The following GFRA2 variants were observed in gnomAD, a reference collection of about 807,000 sequenced individuals.
GFRA2 encodes the protein GDNF family receptor alpha-2.
Under a neutral mutation model 48.3 loss-of-function variants are expected in GFRA2, and 17 were observed. The observed-to-expected ratio is 0.35, with a 90% CI of 0.24 to 0.53. The LOEUF is 0.53. Among genes scored for constraint, GFRA2 ranks in the 20% least tolerant of loss-of-function variants. The pLI is 0.93. For missense variants in GFRA2, 660 were observed against 637.3 expected, an observed-to-expected ratio of 1.04 and a Z score of -0.38; for synonymous variants, 305 against 257.2, an observed-to-expected ratio of 1.19 and a Z score of -1.78.
chr8:21,760,336 A>G (rs956334711), intron 3 of GFRA2, among the ~76,000 whole-genome samples: 3 of 152,248 alleles, frequency 2.0e-5, no homozygotes, highest in African/African-American at 7.2e-5. Context: ...CTGCTGAAGC[A>G]GCAGAAAGCT....
chr8:21,714,182 G>A (rs564990468), intron 4 of GFRA2, among the ~76,000 whole-genome samples: 304 of 139,524 alleles, frequency 2.2e-3, no homozygotes, highest in Non-Finnish European at 3.8e-3. Context: ...TTTGTCTGAT[G>A]TAGAATAATA....
rs1585345773 is a variant in GFRA2 at position 21,788,361 on chromosome 8, T to C, written c.-202A>G. ...AGGGGGTGGGGTGAGAGGCGGGCGATGGGCTGCTGCCTCTCGACGCCCCCC... is the reference window on the plus strand; with the variant it reads ...AGGGGGTGGGGTGAGAGGCGGGCGACGGGCTGCTGCCTCTCGACGCCCCCC... On this transcript the variant is annotated 5_prime_UTR_variant, in exon 1 of 9. Transcript: ENST00000524240. The C allele has an allele frequency of 7.4e-6, 10 of 1,348,850 alleles. No homozygotes were observed. The East Asian group carries it at 2.4e-4, about 33-fold the overall frequency. 83.6% of individuals were successfully genotyped at this position (1,348,850 alleles called of 1,614,324 possible).
chr8:21,703,198 A>T (rs887690480), intron 6 of GFRA2, among the ~76,000 whole-genome samples: 9 of 152,186 alleles, frequency 5.9e-5, no homozygotes, highest in Non-Finnish European at 1.2e-4. Context: ...GTTAAAAAAC[A>T]CAGAAGCCAG....
intron 2 of GFRA2, among the ~76,000 whole-genome samples, chr8:21,795,272 T>C (rs1181995407): frequency 3.3e-5 from 5 of 152,232 alleles, no homozygotes; most frequent in East Asian, 1.9e-4. Flanking sequence ...ATCCATGATC[T>C]TGAAGTCCTT....
At chr8:21,740,707 A>G (rs1217779118) in intron 4 of GFRA2, among the ~76,000 whole-genome samples, 2 of 152,286 alleles carry the variant, frequency 1.3e-5, no homozygotes, top group African/African-American at 4.8e-5. Context: ...TGCCCCCAGA[A>G]TTTACAACCT....
intron 4 of GFRA2, among the ~76,000 whole-genome samples, chr8:21,727,076 C>T (rs1803906906): frequency 6.6e-6 from 1 of 152,154 alleles, no homozygotes; most frequent in Non-Finnish European, 1.5e-5. Context: ...CAAACAAAGG[C>T]CACATTCTGA....
intron 3 of GFRA2, among the ~76,000 whole-genome samples, chr8:21,772,382 C>A (rs1459505163): frequency 1.3e-5 from 2 of 152,182 alleles, no homozygotes; most frequent in African/African-American, 2.4e-5. Flanking sequence ...TGGCTCACTG[C>A]AGCTTCGAAC....
At position 21,721,021 on chromosome 8, in the gene GFRA2, G is replaced by GGGGAA. The variant is rs561538024; in HGVS notation, c.795-14985_795-14981dup. Among the ~76,000 whole-genome samples, 643 of 151,314 alleles carry GGGGAA rather than the reference G, an allele frequency of 4.2e-3. 6 individuals carry two copies. Among genetic ancestry groups the GGGGAA allele is most frequent in the African/African-American group, 0.014 (590 of 41,180 alleles). ...AAAAAAAAAAATGGAGGGGAGGGGAGGGGAAGGGAAGGGAGGGGAGGGAAG... is the reference window on the plus strand; with the variant it reads ...AAAAAAAAAAATGGAGGGGAGGGGAGGGGAAGGGAAGGGAAGGGAGGGGAGGGAAG... On this transcript the variant is annotated intron_variant, in intron 4 of 8. Transcript: ENST00000524240.
At chr8:21,712,690 A>G (rs1316167615) in intron 4 of GFRA2, among the ~76,000 whole-genome samples, 5 of 151,764 alleles carry the variant, frequency 3.3e-5, no homozygotes, top group African/African-American at 1.2e-4. Context: ...AGCCGAGATC[A>G]CGCCACTGCA....
chr8:21,727,330 G>C (rs112888348), intron 4 of GFRA2, among the ~76,000 whole-genome samples: 1 of 152,128 alleles, frequency 6.6e-6, no homozygotes, highest in African/African-American at 2.4e-5. Context: ...GCCAGGGACA[G>C]GGCCTCCCTT....
rs146261361 is a variant in GFRA2 at position 21,764,543 on chromosome 8, C to A, written c.439+10429G>T. On this transcript the variant is annotated intron_variant, in intron 3 of 8. Transcript: ENST00000524240. Reference sequence around the variant, plus strand: ...AGAAATGCCCTCGCCTTGTCACCCACCAGTGACCAGTCTGTCTCACCTGGA... The same window carrying A: ...AGAAATGCCCTCGCCTTGTCACCCAACAGTGACCAGTCTGTCTCACCTGGA... Among the ~76,000 whole-genome samples, 30 of 152,382 alleles carry A rather than the reference C, an allele frequency of 2.0e-4. No individual in the cohort carries two copies. In the East Asian group the frequency reaches 5.2e-3, roughly 26 times the overall value.
rs987470738 is a variant in GFRA2, at chr8:21,692,168, C to T, written c.*1110G>A. On this transcript the variant is annotated 3_prime_UTR_variant, in exon 9 of 9. Transcript: ENST00000524240. ...AGACAACAGTATTAAAAAAAATAAA[C>T]TTTACAATAATACATTTTCGCTCAT... The T allele has an allele frequency of 2.0e-5, 3 of 152,508 alleles. No individual in the cohort carries two copies. Among genetic ancestry groups the T allele is most frequent in the African/African-American group, 7.2e-5 (3 of 41,428 alleles). The allele number at this position is 152,508 out of a possible 1,614,324, so 9.4% of individuals were successfully genotyped here.
chr8:21,716,536 C>G (rs561607656), intron 4 of GFRA2, among the ~76,000 whole-genome samples: 57 of 152,166 alleles, frequency 3.7e-4, no homozygotes, highest in African/African-American at 1.3e-3. Context: ...CAAGGGGGCC[C>G]CTGGGAAATG....
At chr8:21,769,957 C>T (rs1806367716) in intron 3 of GFRA2, among the ~76,000 whole-genome samples, 1 of 152,174 alleles carries the variant, frequency 6.6e-6, no homozygotes, top group South Asian at 2.1e-4. Flanking sequence ...CAAGATGGCC[C>T]ACCCCAGATG....
At chr8:21,736,710 C>G (rs1186609936) in intron 4 of GFRA2, among the ~76,000 whole-genome samples, 3 of 151,934 alleles carry the variant, frequency 2.0e-5, no homozygotes, top group East Asian at 3.9e-4. Flanking sequence ...CTATGTTGCC[C>G]AGGCTGGTCT....
Position 21,775,055 on chromosome 8 carries a change from C to A in GFRA2, c.356G>T (p.Gly119Val). Residue 119 changes from glycine to valine, a missense_variant and splice_region_variant, in exon 3 of 9, where the codon GGT becomes GTT. Gly to Val is a moderately radical substitution (Grantham distance 109, BLOSUM62 -3). Transcript: ENST00000524240. ...YWSIHLGLTE[G>V]EEFYEASPYE... ...GGGGGAGGCTTCGTAGAACTCCTCACCTGGAAGACAGAACAGGCATCAGAT... is the reference window on the plus strand; with the variant it reads ...GGGGGAGGCTTCGTAGAACTCCTCAACTGGAAGACAGAACAGGCATCAGAT... 3.2e-6 allele frequency: 5 copies of A among 1,548,338 alleles called. No individual in the cohort carries two copies. The Admixed American group carries it at 6.7e-5, about 21-fold the overall frequency.
In GFRA2 at chr8:21,750,557, C is replaced by G. The variant is rs1384630686; in HGVS notation, c.794+31G>C. 2 of 1,353,424 alleles carry G rather than the reference C, an allele frequency of 1.5e-6. No individual in the cohort carries two copies. The allele number at this position is 1,353,424 out of a possible 1,614,324, so 83.8% of individuals were successfully genotyped here. ...GCCTGGCAATGCAAGCGCCCTCCTG[C>G]CAGCACCACCGGGGCTGCCGCGGCA... On this transcript the variant is annotated intron_variant, in intron 4 of 8. Transcript: ENST00000524240. The surrounding 1 kb of genome is among the most constrained non-coding windows in gnomAD (Gnocchi z 5.7).
intron 3 of GFRA2, 104 bp from the exon 4 acceptor site, chr8:21,751,046 G>A (rs1269935717): frequency 2.6e-6 from 2 of 780,490 alleles, no homozygotes; most frequent in South Asian, 3.6e-5. Context: ...ATGCTTCCAT[G>A]TGCCTGCTCT....
At chr8:21,751,577 C>T (rs1463094140) in intron 3 of GFRA2, among the ~76,000 whole-genome samples, 1 of 152,214 alleles carries the variant, frequency 6.6e-6, no homozygotes, top group Non-Finnish European at 1.5e-5. Context: ...GTTATGCCAG[C>T]GAGAACCGTT....
Sources: gnomAD v4.1 joint callset for allele counts (sites outside exome capture counted in the v4.1 genomes callset) on GRCh38, gnomAD v4.1.1 for gene constraint, Gnocchi (gnomAD v3.1) non-coding constraint, MANE v1.5 for transcripts, NCBI Gene and HGNC (gene_info 2026-07-23, HGNC 2026-07-21) for gene names.